NPAS3: variants seen among roughly 807,000 people sequenced by gnomAD.
NPAS3 encodes the protein neuronal PAS domain protein 3.
Under a neutral mutation model 73.1 loss-of-function variants are expected in NPAS3, and 14 were observed. That is an observed-to-expected ratio of 0.19 (90% confidence interval 0.13 to 0.30). The LOEUF (loss-of-function observed/expected upper bound fraction) is 0.30, where lower values mean the gene tolerates loss of function less well. Ranked by LOEUF, NPAS3 falls within the 10% of genes least tolerant of loss-of-function variation. The pLI is 1.00. For synonymous variants in NPAS3, 620 were observed against 541.5 expected (o/e 1.14, Z -2.01); for missense variants, 1,096 against 1,250.0 (o/e 0.88, Z 1.86).
At chr14:33,779,668 G>A (rs1440060653) in intron 9 of NPAS3, among the ~76,000 whole-genome samples, 1 of 152,174 alleles carries the variant, frequency 6.6e-6, no homozygotes, top group African/African-American at 2.4e-5. Flanking sequence ...GTAACATGCT[G>A]TACAGCTTTT....
chr14:32,966,433 A>G (rs2037161861), intron 1 of NPAS3, among the ~76,000 whole-genome samples: 1 of 152,232 alleles, frequency 6.6e-6, no homozygotes, highest in Non-Finnish European at 1.5e-5. Context: ...AAAGATGTCA[A>G]GAATACACAT....
At chr14:33,724,999 A>C (rs1263811222) in intron 6 of NPAS3, among the ~76,000 whole-genome samples, 2 of 152,204 alleles carry the variant, frequency 1.3e-5, no homozygotes, top group African/African-American at 4.8e-5. Flanking sequence ...CCACTAAAAA[A>C]TAATGTGTTT....
chr14:32,977,475 T>TA (rs1300618249), intron 1 of NPAS3, among the ~76,000 whole-genome samples: 1 of 152,122 alleles, frequency 6.6e-6, no homozygotes, highest in Non-Finnish European at 1.5e-5. Context: ...CTCACCCTTA[T>TA]AATCCCAGCA....
chr14:33,267,080 G>A (rs1160542651), intron 3 of NPAS3, among the ~76,000 whole-genome samples: 1 of 152,078 alleles, frequency 6.6e-6, no homozygotes, highest in African/African-American at 2.4e-5. Flanking sequence ...ATCTGCTATT[G>A]TATATTGCCC....
chr14:33,424,723 G>A (rs1432028691), intron 4 of NPAS3, among the ~76,000 whole-genome samples: 3 of 151,566 alleles, frequency 2.0e-5, no homozygotes, highest in Non-Finnish European at 4.4e-5. Context: ...TGGGAGGAGG[G>A]GGAAGTGTTA....
At chr14:33,139,217 C>T (rs765386869) in intron 2 of NPAS3, among the ~76,000 whole-genome samples, 1 of 152,064 alleles carries the variant, frequency 6.6e-6, no homozygotes, top group Non-Finnish European at 1.5e-5. Context: ...ACTGAGCATC[C>T]AACTATAGGA....
chr14:33,522,069 T>G (rs2053582015), intron 4 of NPAS3, among the ~76,000 whole-genome samples: 1 of 152,190 alleles, frequency 6.6e-6, no homozygotes, highest in Non-Finnish European at 1.5e-5. Context: ...GAATGAAAAT[T>G]TAATATGGTT....
At chr14:33,034,327 C>G (rs147637306) in intron 1 of NPAS3, among the ~76,000 whole-genome samples, 3,940 of 151,508 alleles carry the variant, frequency 0.026, 50 homozygotes, top group Non-Finnish European at 0.031. Flanking sequence ...TAAATGAAAC[C>G]TTGAGTCTTC....
intron 5 of NPAS3, among the ~76,000 whole-genome samples, chr14:33,615,330 GATTATAGA>G (rs2057879688): frequency 6.6e-6 from 1 of 152,132 alleles, no homozygotes; most frequent in Non-Finnish European, 1.5e-5. Context: ...GCAGAGGATG[GATTATAGA>G]AGTGAGACAA....
upstream of NPAS3, among the ~76,000 whole-genome samples, chr14:32,938,485 T>TAGACAGAGAGAGAG (rs1491191135): frequency 2.3e-4 from 5 of 21,740 alleles, no homozygotes; most frequent in African/African-American, 5.4e-4. Context: ...GAGAGAGAAA[T>TAGACAGAGAGAGAG]TGAGAGAGAG....
chr14:33,719,851 T>C (rs1175907028), intron 6 of NPAS3, among the ~76,000 whole-genome samples: 1 of 152,152 alleles, frequency 6.6e-6, no homozygotes, highest in African/African-American at 2.4e-5. Flanking sequence ...CACTCTTTCT[T>C]CTCAAGGTAT....
At chr14:33,535,090 G>A (rs2054203080) in intron 4 of NPAS3, among the ~76,000 whole-genome samples, 1 of 152,200 alleles carries the variant, frequency 6.6e-6, no homozygotes, top group African/African-American at 2.4e-5. Context: ...TTTATAGAGA[G>A]ATGCTGTTTG....
At chr14:33,600,361 C>G (rs2057364369) in intron 5 of NPAS3, among the ~76,000 whole-genome samples, 1 of 152,186 alleles carries the variant, frequency 6.6e-6, no homozygotes, top group Admixed American at 6.5e-5. Context: ...TAAATATTCT[C>G]TTTATGCATT....
chr14:33,094,613 C>G (rs997346705), intron 2 of NPAS3, among the ~76,000 whole-genome samples: 31 of 151,988 alleles, frequency 2.0e-4, no homozygotes, highest in African/African-American at 7.5e-4. Context: ...TTATAGGTGC[C>G]TGCCATCATG....
chr14:33,428,836 G>A (rs547821893), intron 4 of NPAS3, among the ~76,000 whole-genome samples: 9 of 152,100 alleles, frequency 5.9e-5, no homozygotes, highest in South Asian at 2.1e-4. Flanking sequence ...ATTGGTTTCC[G>A]TATTTTAAAT....
intron 4 of NPAS3, among the ~76,000 whole-genome samples, chr14:33,457,181 A>C (rs1324155397): frequency 1.3e-5 from 2 of 152,230 alleles, no homozygotes; most frequent in African/African-American, 4.8e-5. Context: ...CTCTCTCAGC[A>C]TAGGAAAAAG....
At chr14:33,226,305 T>G (rs528865200) in intron 3 of NPAS3, among the ~76,000 whole-genome samples, 1 of 152,256 alleles carries the variant, frequency 6.6e-6, no homozygotes, top group Non-Finnish European at 1.5e-5. Context: ...AACTGATCAG[T>G]TTAGGTTAAT....
rs909243305 is a variant in NPAS3, at chr14:33,148,786, C to T, written c.141-66396C>T. ...CCTGTAAGCCTCCAATTCCAAGACT[C>T]GGGCAATATTCCCACCTCAGCGTCC... On this transcript the variant is annotated intron_variant, in intron 2 of 11. Coordinates refer to ENST00000356141, the Ensembl canonical transcript of NPAS3. 6.6e-5 allele frequency among the ~76,000 whole-genome samples: 10 copies of T among 152,210 alleles called. 1 individual carries two copies. The highest frequency in any genetic ancestry group is 4.6e-4 in the Admixed American group (7 of 15,278).
intron 1 of NPAS3, among the ~76,000 whole-genome samples, chr14:33,008,315 T>A (rs1413476366): frequency 1.3e-5 from 2 of 152,170 alleles, no homozygotes; most frequent in African/African-American, 4.8e-5. Flanking sequence ...AAAAAGCAAG[T>A]TATAGAGTAA....
Sources: gnomAD v4.1 joint callset for allele counts (sites outside exome capture counted in the v4.1 genomes callset) on GRCh38, gnomAD v4.1.1 for gene constraint, MANE v1.5 for transcripts, NCBI Gene and HGNC (gene_info 2026-07-23, HGNC 2026-07-21) for gene names.